Variants in KIF13B observed in about 807,000 individuals in gnomAD.
The protein encoded by KIF13B is kinesin-like protein KIF13B.
KIF13B carries 127 observed loss-of-function variants against 222.0 expected under a neutral mutation model. The ratio of observed to expected loss-of-function variants is 0.57; its 90% confidence interval spans 0.50 to 0.66. The LOEUF is 0.66. Among genes scored for constraint, KIF13B ranks in the 30% least tolerant of loss-of-function variants. KIF13B has a pLI of 0.00. For synonymous variants in KIF13B, 976 were observed against 919.0 expected, an observed-to-expected ratio of 1.06 and a Z score of -1.12; for missense variants, 2,173 against 2,379.0, an observed-to-expected ratio of 0.91 and a Z score of 1.80.
intron 31 of KIF13B, among the ~76,000 whole-genome samples, chr8:29,116,537 G>A (rs1305293429): frequency 6.6e-6 from 1 of 152,120 alleles, no homozygotes; most frequent in Non-Finnish European, 1.5e-5. Flanking sequence ...AGATGAAAAG[G>A]CAACAACCAA....
At position 29,070,803 on chromosome 8, in the gene KIF13B, G is replaced by C. The variant is rs757298547; in HGVS notation, c.5219-37C>G. ...GGAGAGGGTGATATGGAGGGCAGCC[G>C]AGCTGCAGACGGCCCCCTGCACCTC... On this transcript the variant is annotated intron_variant, in intron 39 of 39. Coordinates refer to ENST00000524189, the MANE Select transcript of KIF13B (RefSeq NM_015254.4). This position sits in a 1 kb window ranked among gnomAD's most constrained non-coding sequence, Gnocchi z 4.1. 1 of 1,573,166 alleles carries C rather than the reference G, an allele frequency of 6.4e-7. No individual in the cohort carries two copies. The highest frequency in any genetic ancestry group is 1.4e-5 in the African/African-American group (1 of 73,960).
chr8:29,195,634 C>T, intron 3 of KIF13B, among the ~76,000 whole-genome samples: 1 of 152,220 alleles, frequency 6.6e-6, no homozygotes, highest in East Asian at 1.9e-4. Context: ...TTTGTGCCCA[C>T]TTCAAGCAGG....
intron 37 of KIF13B, among the ~76,000 whole-genome samples, chr8:29,083,970 GGT>G (rs1277681768): frequency 6.6e-6 from 1 of 152,108 alleles, no homozygotes; most frequent in Non-Finnish European, 1.5e-5. Flanking sequence ...GCTGGAGTGT[GGT>G]GGTTCAATCT....
At position 29,116,995 on chromosome 8, in the gene KIF13B, C is replaced by A. The variant is rs750054842; in HGVS notation, c.3673G>T (p.Ala1225Ser). 6.3e-7 allele frequency: 1 copy of A among 1,580,958 alleles called. No individual in the cohort carries two copies. Among genetic ancestry groups the A allele is most frequent in the Non-Finnish European group, 8.6e-7 (1 of 1,158,052 alleles). ...CCATGCACCGCGGAGTCCCAGGAGG[C>A]TTCTGCTTTCACCTGGAGAGAAGAC... ...KQHDGEVKAE[A>S]SWDSAVHGCP... The change falls in exon 31 of 40, where the codon GCC (alanine) becomes TCC (serine). Residue 1225 changes from alanine (A) to serine (S), a missense_variant. Coordinates refer to ENST00000524189, the MANE Select transcript of KIF13B (RefSeq NM_015254.4).
chr8:29,225,666 C>T (rs1189723783), intron 2 of KIF13B, among the ~76,000 whole-genome samples: 2 of 152,194 alleles, frequency 1.3e-5, no homozygotes, highest in African/African-American at 2.4e-5. Flanking sequence ...TTTAAACCTT[C>T]CTGTGTCTGG....
In KIF13B at chr8:29,180,265, C is replaced by T. The variant is rs369598692; in HGVS notation, c.586-27G>A. 8.2e-5 allele frequency: 132 copies of T among 1,612,300 alleles called. No homozygotes were observed. The African/African-American group carries it at 1.3e-3, about 16-fold the overall frequency. On this transcript the variant is annotated intron_variant, in intron 7 of 39. Transcript: ENST00000524189. ...TAAGTGGAAACAAGTCATAGACCCA[C>T]GTTTCATTACTTGTGTAATACACAC... is the stretch of plus-strand genomic sequence containing the variant.
At chr8:29,112,569 T>C (rs1168724960) in intron 32 of KIF13B, among the ~76,000 whole-genome samples, 2 of 152,170 alleles carry the variant, frequency 1.3e-5, no homozygotes, top group African/African-American at 4.8e-5. Flanking sequence ...GATGGCATGG[T>C]ATGAGGGGCG....
chr8:29,169,566 A>C (rs1190092931), intron 10 of KIF13B, among the ~76,000 whole-genome samples: 3 of 152,264 alleles, frequency 2.0e-5, no homozygotes, highest in Non-Finnish European at 4.4e-5. Flanking sequence ...TATACCAGTG[A>C]AAGTTTGGTT....
chr8:29,172,209 T>C (rs551509110), intron 10 of KIF13B, among the ~76,000 whole-genome samples: 2 of 151,392 alleles, frequency 1.3e-5, no homozygotes, highest in Admixed American at 6.6e-5. Flanking sequence ...GCCTCCCGAG[T>C]AGCTGGAACT....
At chr8:29,164,971 C>A (rs1434394224) in intron 12 of KIF13B, among the ~76,000 whole-genome samples, 2 of 152,082 alleles carry the variant, frequency 1.3e-5, no homozygotes, top group African/African-American at 4.8e-5. Context: ...CCTCAGCCTC[C>A]CAAGTAGCTG....
At chr8:29,088,449 C>T (rs2133533047) in intron 37 of KIF13B, among the ~76,000 whole-genome samples, 1 of 152,200 alleles carries the variant, frequency 6.6e-6, no homozygotes, top group Non-Finnish European at 1.5e-5. Flanking sequence ...CTCCCCACTC[C>T]CTTTACTTCC....
At chr8:29,206,966 A>C (rs1419158506) in intron 2 of KIF13B, among the ~76,000 whole-genome samples, 2 of 152,112 alleles carry the variant, frequency 1.3e-5, no homozygotes, top group Admixed American at 6.5e-5. Flanking sequence ...ATGGGGCACA[A>C]CGCCACCCTG....
At position 29,146,402 on chromosome 8, in the gene KIF13B, G is replaced by C; in HGVS notation, c.2163C>G (p.Ala721=). The C allele has an allele frequency of 1.2e-6, 2 of 1,613,900 alleles. No individual in the cohort carries two copies. Among genetic ancestry groups the C allele is most frequent in the East Asian group, 4.5e-5 (2 of 44,872 alleles). Residue 721 remains alanine, a synonymous_variant, in exon 18 of 40, where the codon GCC becomes GCG. Coordinates refer to ENST00000524189, the MANE Select transcript of KIF13B (RefSeq NM_015254.4). Reference sequence around the variant, plus strand: ...CCTTCCTGTTGGCATCCAGGCTGGAGGCTGGAATCTGTAGGGTAACTTTGT... The same window carrying C: ...CCTTCCTGTTGGCATCCAGGCTGGACGCTGGAATCTGTAGGGTAACTTTGT... ...TEYKVTLQIP[A]SSLDANRKRG...
intron 10 of KIF13B, among the ~76,000 whole-genome samples, chr8:29,175,741 G>A (rs4461945): frequency 0.12 from 18,108 of 152,224 alleles, 1,222 homozygotes; most frequent in South Asian, 0.15. Context: ...TGAGGCCAGC[G>A]GAGGCTCCTC....
At chr8:29,204,133 T>C (rs1813825205) in intron 2 of KIF13B, among the ~76,000 whole-genome samples, 1 of 152,134 alleles carries the variant, frequency 6.6e-6, no homozygotes. Context: ...CCCCATTCTA[T>C]TCGAATCTTC....
At chr8:29,235,236 A>G (rs1468859026) in intron 2 of KIF13B, among the ~76,000 whole-genome samples, 1 of 152,238 alleles carries the variant, frequency 6.6e-6, no homozygotes, top group East Asian at 1.9e-4. Context: ...AAGTGACAAA[A>G]GCAAAACAAA....
rs977285791 is a variant in KIF13B, at chr8:29,137,674, C to G, written c.2613+2389G>C. 3.9e-5 allele frequency among the ~76,000 whole-genome samples: 6 copies of G among 152,282 alleles called. No individual in the cohort carries two copies. The South Asian group carries it at 1.2e-3, about 32-fold the overall frequency. ...GTCATATAGCTTATTTGTCCTCGTC[C>G]TTTTTACATAAAAGGCCATTACATG... On this transcript the variant is annotated intron_variant, in intron 21 of 39. Transcript: ENST00000524189.
At chr8:29,151,384 T>C (rs921581263) in intron 14 of KIF13B, among the ~76,000 whole-genome samples, 1 of 152,224 alleles carries the variant, frequency 6.6e-6, no homozygotes, top group African/African-American at 2.4e-5. Context: ...GATGAGATTT[T>C]TGATGTAGAT....
chr8:29,073,774 G>A (rs1014624955), intron 38 of KIF13B, among the ~76,000 whole-genome samples: 1 of 151,988 alleles, frequency 6.6e-6, no homozygotes, highest in Non-Finnish European at 1.5e-5. Flanking sequence ...TTATATTCCC[G>A]TTTCCAGGGG....
Sources: gnomAD v4.1 joint callset for allele counts (sites outside exome capture counted in the v4.1 genomes callset) on GRCh38, gnomAD v4.1.1 for gene constraint, Gnocchi (gnomAD v3.1) non-coding constraint, MANE v1.5 for transcripts, NCBI Gene and HGNC (gene_info 2026-07-23, HGNC 2026-07-21) for gene names.